The following BMPR1A variants were observed in gnomAD, a reference collection of about 807,000 sequenced individuals.
The protein encoded by BMPR1A is bone morphogenetic protein receptor type 1A, also known as bone morphogenetic protein receptor type-1A.
In BMPR1A, 7 loss-of-function variants were observed where a neutral mutation model predicts 66.0. The ratio of observed to expected loss-of-function variants is 0.11; its 90% CI spans 0.06 to 0.20. BMPR1A has a LOEUF of 0.20. BMPR1A is among the 10% of genes least tolerant of loss of function. The probability of loss-of-function intolerance (pLI) is 1.00; values close to 1 mark genes in which losing one functional copy is unlikely to be tolerated. For missense variants in BMPR1A, 408 were observed against 669.1 expected, an observed-to-expected ratio of 0.61 and a Z score of 4.31; for synonymous variants, 200 against 229.7, an observed-to-expected ratio of 0.87 and a Z score of 1.17.
chr10:86,851,292 A>G (rs1299869164), intron 2 of BMPR1A, among the ~76,000 whole-genome samples: 1 of 152,208 alleles, frequency 6.6e-6, no homozygotes, highest in Non-Finnish European at 1.5e-5. Flanking sequence ...AATTCCCCAA[A>G]TATATTGCCC....
intron 7 of BMPR1A, among the ~76,000 whole-genome samples, chr10:86,910,314 G>A: frequency 6.6e-6 from 1 of 152,134 alleles, no homozygotes; most frequent in East Asian, 1.9e-4. Context: ...CTCCAGCCTG[G>A]AGGACAGAGT....
At chr10:86,857,769 A>G (rs1440238271) in intron 2 of BMPR1A, among the ~76,000 whole-genome samples, 1 of 150,518 alleles carries the variant, frequency 6.6e-6, no homozygotes, top group Non-Finnish European at 1.5e-5. Flanking sequence ...AAAAAAAAAC[A>G]AGGAGAAAGC....
chr10:86,914,830 G>A (rs567615388), intron 8 of BMPR1A, among the ~76,000 whole-genome samples: 16 of 152,116 alleles, frequency 1.1e-4, no homozygotes, highest in Non-Finnish European at 1.6e-4. Flanking sequence ...CATACTTTCC[G>A]TACAATGAAG....
At chr10:86,867,560 T>C (rs1385791383) in intron 2 of BMPR1A, among the ~76,000 whole-genome samples, 1 of 152,228 alleles carries the variant, frequency 6.6e-6, no homozygotes, top group African/African-American at 2.4e-5. Context: ...ATGCCAAAGA[T>C]TGCTGTGTAG....
At position 86,813,805 on chromosome 10, in the gene BMPR1A, C is replaced by G. The variant is rs142274065; in HGVS notation, c.-267-25060C>G. Among the ~76,000 whole-genome samples the G allele has an allele frequency of 4.5e-3, 679 of 152,238 alleles. 4 individuals carry two copies. Among genetic ancestry groups the G allele is most frequent in the African/African-American group, 0.015 (643 of 41,524 alleles). Reference sequence around the variant, plus strand: ...CTCACCTCTATTCCTATGTCAGTATCCCTCTATCTACATGGGTTCTCTCAA... The same window carrying G: ...CTCACCTCTATTCCTATGTCAGTATGCCTCTATCTACATGGGTTCTCTCAA... On this transcript the variant is annotated intron_variant, in intron 1 of 12. Coordinates refer to ENST00000372037, the MANE Select transcript of BMPR1A (RefSeq NM_004329.3).
intron 2 of BMPR1A, among the ~76,000 whole-genome samples, chr10:86,853,856 A>ACGGGT: frequency 6.6e-6 from 1 of 152,322 alleles, no homozygotes; most frequent in South Asian, 2.1e-4. Context: ...GGACCACAGG[A>ACGGGT]CGGGGCGAAA....
intron 1 of BMPR1A, among the ~76,000 whole-genome samples, chr10:86,829,539 G>A (rs922920716): frequency 1.1e-4 from 16 of 152,134 alleles, no homozygotes; most frequent in Admixed American, 2.0e-4. Flanking sequence ...AACCACTGTG[G>A]CATCAAGACA....
chr10:86,859,556 A>G (rs986915956), intron 2 of BMPR1A, among the ~76,000 whole-genome samples: 2 of 152,146 alleles, frequency 1.3e-5, no homozygotes, highest in Non-Finnish European at 2.9e-5. Context: ...GTGGTGGTTC[A>G]TGCCTGTAAT....
chr10:86,817,986 AT>A (rs1564694057), intron 1 of BMPR1A, among the ~76,000 whole-genome samples: 1 of 152,176 alleles, frequency 6.6e-6, no homozygotes, highest in African/African-American at 2.4e-5. Context: ...TTCCTCTAAT[AT>A]TTTAAGAAGT....
chr10:86,920,551 G>A (rs995740733), intron 10 of BMPR1A, among the ~76,000 whole-genome samples: 2 of 152,214 alleles, frequency 1.3e-5, no homozygotes, highest in Admixed American at 1.3e-4. Context: ...CTGTTACAGT[G>A]TTCTGAGTCA....
chr10:86,875,065 C>T (rs1193742607), intron 2 of BMPR1A, among the ~76,000 whole-genome samples: 1 of 151,828 alleles, frequency 6.6e-6, no homozygotes, highest in Non-Finnish European at 1.5e-5. Flanking sequence ...ATGAAGCACC[C>T]TCTTTAATTA....
chr10:86,799,671 C>A (rs566823877), intron 1 of BMPR1A, among the ~76,000 whole-genome samples: 33 of 152,096 alleles, frequency 2.2e-4, no homozygotes, highest in Admixed American at 2.0e-3. Context: ...CCCTCCTTAT[C>A]CTCCTGAGTA....
At chr10:86,878,363 T>C (rs1842945841) in intron 3 of BMPR1A, among the ~76,000 whole-genome samples, 1 of 152,362 alleles carries the variant, frequency 6.6e-6, no homozygotes, top group East Asian at 1.9e-4. Flanking sequence ...TCATCTGATA[T>C]TAACAGCTGA....
intron 9 of BMPR1A, among the ~76,000 whole-genome samples, chr10:86,918,011 C>T (rs557469118): frequency 6.6e-6 from 1 of 152,300 alleles, no homozygotes; most frequent in South Asian, 2.1e-4. Context: ...TCTCTGAATA[C>T]TCTAGAGGAG....
intron 2 of BMPR1A, among the ~76,000 whole-genome samples, chr10:86,866,207 G>A (rs1406511749): frequency 6.7e-6 from 1 of 148,828 alleles, no homozygotes; most frequent in African/African-American, 2.5e-5. Context: ...AGAATCTATA[G>A]ATAGAAGAGG....
chr10:86,781,264 C>T (rs1487141516), intron 1 of BMPR1A, among the ~76,000 whole-genome samples: 3 of 152,100 alleles, frequency 2.0e-5, no homozygotes. Context: ...TCCATTTTTC[C>T]CAGCACCATT....
chr10:86,788,074 C>A (rs561005411), intron 1 of BMPR1A, among the ~76,000 whole-genome samples: 1 of 152,012 alleles, frequency 6.6e-6, no homozygotes, highest in African/African-American at 2.4e-5. Flanking sequence ...GTGGGCTCAG[C>A]GGTTTGATCT....
At chr10:86,885,255 G>T (rs1843054431) in intron 3 of BMPR1A, among the ~76,000 whole-genome samples, 1 of 152,186 alleles carries the variant, frequency 6.6e-6, no homozygotes, top group African/African-American at 2.4e-5. Context: ...AATATTTAAT[G>T]ACACATGAAA....
chr10:86,855,701 G>A, intron 2 of BMPR1A: 2 of 747,760 alleles, frequency 2.7e-6, no homozygotes, highest in South Asian at 1.7e-5. Context: ...ATCCACTACT[G>A]TCTGTTCTTT....
Sources: allele counts gnomAD v4.1 joint callset (sites outside exome capture counted in the v4.1 genomes callset), GRCh38; gene constraint gnomAD v4.1.1; transcripts MANE v1.5; gene names NCBI Gene and HGNC (gene_info 2026-07-23, HGNC 2026-07-21).